MYO7A: variants seen among roughly 807,000 people sequenced by gnomAD.
MYO7A encodes unconventional myosin-VIIa.
MYO7A carries 210 observed loss-of-function variants against 263.8 expected under a neutral mutation model. The ratio of observed to expected loss-of-function variants is 0.80; its 90% CI spans 0.71 to 0.89. MYO7A has a LOEUF of 0.89. MYO7A is among the 40% of genes least tolerant of loss of function. MYO7A has a pLI of 0.00. For synonymous variants in MYO7A, 1,239 were observed against 1,197.3 expected (o/e 1.03, Z -0.72); for missense variants, 2,820 against 2,968.3 (o/e 0.95, Z 1.16).
At chr11:77,140,390 G>A (rs1349481338) in intron 2 of MYO7A, among the ~76,000 whole-genome samples, 1 of 152,198 alleles carries the variant, frequency 6.6e-6, no homozygotes, top group African/African-American at 2.4e-5. Context: ...TGGATTTGGG[G>A]TTTGTCAGAC....
chr11:77,206,058 C>T (rs1297899211), intron 40 of MYO7A, 39 bp from the exon 41 acceptor site: 68 of 1,508,704 alleles, frequency 4.5e-5, no homozygotes, highest in Non-Finnish European at 5.9e-5. Flanking sequence ...CTCCACAGTC[C>T]CACGCACATG....
intron 2 of MYO7A, among the ~76,000 whole-genome samples, chr11:77,131,651 G>A (rs1591166997): frequency 6.6e-6 from 1 of 152,308 alleles, no homozygotes. Context: ...TCCCTCAGGG[G>A]GCCTCTGAGG....
intron 4 of MYO7A, among the ~76,000 whole-genome samples, chr11:77,155,098 C>T (rs1025701544): frequency 6.6e-6 from 1 of 152,148 alleles, no homozygotes; most frequent in African/African-American, 2.4e-5. Flanking sequence ...AAGTTTGAGA[C>T]GTGGGGTGGG....
At chr11:77,157,441 G>A (rs782250825) in intron 8 of MYO7A, 49 bp downstream of exon 8, 10 of 1,321,906 alleles carry the variant, frequency 7.6e-6, no homozygotes, top group African/African-American at 1.5e-5. Context: ...CCCTAGGATT[G>A]TAGGGAGCTG....
chr11:77,213,701 G>T (rs1458877697), intron 47 of MYO7A, among the ~76,000 whole-genome samples, 159 bp from the exon 48 acceptor site: 1 of 152,124 alleles, frequency 6.6e-6, no homozygotes, highest in Admixed American at 6.5e-5. Flanking sequence ...GTGTGGAGGG[G>T]GAGGCACCTG....
In MYO7A at chr11:77,201,846, C is replaced by T. The variant is rs1193235767; in HGVS notation, c.5043+208C>T. The stretch of plus-strand genomic sequence containing the variant: ...GAAATGGCATCAGATGAGGAACTGC[C>T]AAGGGGTGGGGCCGGGGGTGGGGAT... On this transcript the variant is annotated intron_variant, in intron 36 of 48. Coordinates refer to ENST00000409709, the MANE Select transcript of MYO7A (RefSeq NM_000260.4). Among the ~76,000 whole-genome samples, 12 of 132,548 alleles carry T rather than the reference C, an allele frequency of 9.1e-5. No individual in the cohort carries two copies. The Admixed American group carries it at 9.1e-4, about 10-fold the overall frequency. The allele number at this position is 132,548 out of a possible 152,430, so 87.0% of individuals were successfully genotyped here. A position where few individuals can be genotyped will look rare whatever the true frequency, so the allele number is the denominator to read the frequency against.
chr11:77,144,146 AGCGGCGAC>A (rs1555052433), intron 3 of MYO7A, among the ~76,000 whole-genome samples: 35 of 152,284 alleles, frequency 2.3e-4, no homozygotes, highest in African/African-American at 8.2e-4. Flanking sequence ...GCATTATCTC[AGCGGCGAC>A]TTTGGAGCTC....
At position 77,136,667 on chromosome 11, in the gene MYO7A, C is replaced by T. The variant is rs528387776; in HGVS notation, c.18+6015C>T. On this transcript the variant is annotated intron_variant, in intron 2 of 48. Coordinates refer to ENST00000409709, the MANE Select transcript of MYO7A (RefSeq NM_000260.4). ...AACAGGCACCAATCTAGGTGCATTACGCATCTTAACCTGTTAAATCCTCAC... is the reference window on the plus strand; with the variant it reads ...AACAGGCACCAATCTAGGTGCATTATGCATCTTAACCTGTTAAATCCTCAC... 3.5e-4 allele frequency among the ~76,000 whole-genome samples: 53 copies of T among 152,354 alleles called. 1 individual carries two copies. The highest frequency in any genetic ancestry group is 1.1e-3 in the African/African-American group (44 of 41,592).
intron 10 of MYO7A, 118 bp from the exon 11 acceptor site, chr11:77,160,045 C>A (rs549252730): frequency 1.4e-6 from 2 of 1,422,198 alleles, no homozygotes; most frequent in Non-Finnish European, 1.9e-6. Context: ...CTGGGGCAGG[C>A]GTGCTTAGTG....
At chr11:77,134,334 T>A (rs1169328651) in intron 2 of MYO7A, among the ~76,000 whole-genome samples, 5 of 152,248 alleles carry the variant, frequency 3.3e-5, no homozygotes, top group African/African-American at 1.2e-4. Context: ...TCCCCCTTTA[T>A]GTTATTTATT....
At chr11:77,148,649 C>T (rs1206977159) in intron 4 of MYO7A, among the ~76,000 whole-genome samples, 1 of 152,116 alleles carries the variant, frequency 6.6e-6, no homozygotes, top group East Asian at 1.9e-4. Flanking sequence ...ATTGAGGATC[C>T]CAAAGGACTT....
Position 77,189,453 on chromosome 11 carries a change from T to C in MYO7A, c.3613T>C (p.Ser1205Pro). 1 of 1,613,770 alleles carries C rather than the reference T, an allele frequency of 6.2e-7. No individual in the cohort carries two copies. The highest frequency in any genetic ancestry group is 1.3e-5 in the African/African-American group (1 of 75,012). The change falls in exon 28 of 49, where the codon TCC becomes CCC. Residue 1205 changes from serine to proline, a missense_variant. Coordinates refer to ENST00000409709, the MANE Select transcript of MYO7A (RefSeq NM_000260.4). ...TCTCTGCGTGGGCTGTTTCGCCCCCTCCGAGAAGTTTGTCAAGGTAGGAAG... is the reference window on the plus strand; with the variant it reads ...TCTCTGCGTGGGCTGTTTCGCCCCCCCCGAGAAGTTTGTCAAGGTAGGAAG... ...VSLCVGCFAPSEKFVKYLRNF... is the reference protein window; with the variant it reads ...VSLCVGCFAPPEKFVKYLRNF...
chr11:77,212,439 G>C (rs1957951526), intron 46 of MYO7A: 1 of 350,930 alleles, frequency 2.8e-6, no homozygotes, highest in Non-Finnish European at 5.6e-6. Flanking sequence ...TTGGCAAGCA[G>C]GTGAGAGGCT....
chr11:77,199,814 C>T lies in MYO7A; in HGVS notation c.4848C>T (p.Asn1616=), dbSNP rs761699976. ...TTGTGGCCCTGCAGGATAACCCCAA[C>T]CCCGGTGAGTGGCTGCTGGTATGGA... ...KYVVALQDNP[N]PAGEESGFLS... is the part of the protein sequence containing the mutation. Residue 1616 remains asparagine, a synonymous_variant, in exon 35 of 49, where the codon AAC becomes AAT. Transcript: ENST00000409709. 8 of 1,585,810 alleles carry T rather than the reference C, an allele frequency of 5.0e-6. No homozygotes were observed. In the African/African-American group the frequency reaches 1.1e-4, roughly 21 times the overall value.
intron 28 of MYO7A, 91 bp from the exon 29 acceptor site, chr11:77,189,929 C>A: frequency 7.0e-7 from 1 of 1,438,824 alleles, no homozygotes. Context: ...CCTGGAGGAG[C>A]GGCCTCCAAG....
At position 77,194,671 on chromosome 11, in the gene MYO7A, C is replaced by T. The variant is rs562561294; in HGVS notation, c.4323+147C>T. On this transcript the variant is annotated intron_variant, in intron 32 of 48. Coordinates refer to ENST00000409709, the MANE Select transcript of MYO7A (RefSeq NM_000260.4). ...CCTTCCTTCATTGGACATCAGCTCA[C>T]TCATTCTCCTTCCATCTGTGTGCCA... 1.3e-5 allele frequency: 11 copies of T among 860,860 alleles called. No homozygotes were observed. The South Asian group carries it at 2.1e-4, about 16-fold the overall frequency. 53.3% of individuals were successfully genotyped at this position (860,860 alleles called of 1,614,324 possible).
rs782783261 is a variant in MYO7A at position 77,155,989 on chromosome 11, C to T, written c.368C>T (p.Thr123Ile). The T allele has an allele frequency of 3.1e-6, 5 of 1,613,698 alleles. No homozygotes were observed. Among genetic ancestry groups the T allele is most frequent in the South Asian group, 1.1e-5 (1 of 90,928 alleles). The change falls in exon 5 of 49, where the codon ACC becomes ATC. Residue 123 changes from threonine to isoleucine, a missense_variant. Coordinates refer to ENST00000409709, the MANE Select transcript of MYO7A (RefSeq NM_000260.4). Reference sequence around the variant, plus strand: ...TCGCCAGAGCACATCCGCCAGTATACCAACAAGAAGATTGGGGAGATGCCC... The same window carrying T: ...TCGCCAGAGCACATCCGCCAGTATATCAACAAGAAGATTGGGGAGATGCCC... The part of the protein sequence containing the change: ...IYSPEHIRQY[T>I]NKKIGEMPPH...
At chr11:77,174,548 C>G (rs1273642592) in intron 16 of MYO7A, among the ~76,000 whole-genome samples, 1 of 152,236 alleles carries the variant, frequency 6.6e-6, no homozygotes, top group African/African-American at 2.4e-5. Context: ...TCTGTGCTCC[C>G]AAAGCACACA....
At chr11:77,214,074 C>T (rs758158922) in intron 48 of MYO7A, 95 bp downstream of exon 48, 2 of 1,549,236 alleles carry the variant, frequency 1.3e-6, no homozygotes, top group Non-Finnish European at 1.8e-6. Context: ...TAGTGTGCGG[C>T]TGGGCCTGGG....
Sources: allele counts gnomAD v4.1 joint callset (sites outside exome capture counted in the v4.1 genomes callset), GRCh38; gene constraint gnomAD v4.1.1; transcripts MANE v1.5; gene names NCBI Gene and HGNC (gene_info 2026-07-23, HGNC 2026-07-21).